ZNF718: variants seen among roughly 807,000 people sequenced by gnomAD.
The protein encoded by ZNF718 is zinc finger protein 718.
In ZNF718, 3 loss-of-function variants were observed where a neutral mutation model predicts 2.6. That is an observed-to-expected ratio of 1.16 (90% CI 0.53 to 3.01). The LOEUF (loss-of-function observed/expected upper bound fraction) is 3.01, where lower values mean the gene tolerates loss of function less well. ZNF718 is among the 30% of genes most tolerant of loss of function. The pLI, the probability that ZNF718 is intolerant of heterozygous loss-of-function variation, is 0.03. For synonymous variants in ZNF718, 135 were observed against 77.9 expected (o/e 1.73, Z -3.86); for missense variants, 468 against 230.0 (o/e 2.03, Z -6.69).
intron 3 of ZNF718, chr4:149,823 A>C (rs1177001344): frequency 2.0e-5 from 3 of 152,078 alleles, no homozygotes; most frequent in East Asian, 3.9e-4. Flanking sequence ...ACACTTTTGC[A>C]ATTTGCAGGT....
chr4:144,388 G>A (rs782597291), intron 3 of ZNF718, among the ~76,000 whole-genome samples: 2 of 152,136 alleles, frequency 1.3e-5, no homozygotes, highest in Non-Finnish European at 2.9e-5. Context: ...TTACTGATCA[G>A]TTTTATGCCA....
At chr4:140,155 C>T (rs1311772059) in intron 3 of ZNF718, among the ~76,000 whole-genome samples, 3 of 152,058 alleles carry the variant, frequency 2.0e-5, no homozygotes, top group Non-Finnish European at 2.9e-5. Context: ...GGCTACGGAA[C>T]AAAAAGGCCC....
At chr4:147,904 T>C (rs1316704158) in intron 3 of ZNF718, among the ~76,000 whole-genome samples, 1 of 152,136 alleles carries the variant, frequency 6.6e-6, no homozygotes, top group African/African-American at 2.4e-5. Context: ...CTGGGGGTGC[T>C]GATACAGTAA....
intron 3 of ZNF718, among the ~76,000 whole-genome samples, chr4:144,607 A>T (rs1303899968): frequency 7.9e-5 from 12 of 152,160 alleles, no homozygotes; most frequent in Non-Finnish European, 1.8e-4. Flanking sequence ...TAGTATGAAA[A>T]TTTTAATAAT....
At chr4:134,203 G>A (rs1715454516) in intron 3 of ZNF718, among the ~76,000 whole-genome samples, 1 of 152,182 alleles carries the variant, frequency 6.6e-6, no homozygotes, top group African/African-American at 2.4e-5. Flanking sequence ...CTGGAGTGCA[G>A]TGGCGCGATA....
At chr4:164,852 CATA>C (rs1232485638), downstream of ZNF718, among the ~76,000 whole-genome samples, 2 of 152,064 alleles carry the variant, frequency 1.3e-5, no homozygotes, top group South Asian at 2.1e-4. Flanking sequence ...AGTGAACAAA[CATA>C]AGAAAGTGAT....
intron 1 of ZNF718, among the ~76,000 whole-genome samples, chr4:126,885 A>G (rs2108777931): frequency 6.7e-6 from 1 of 149,912 alleles, no homozygotes; most frequent in Non-Finnish European, 1.5e-5. Context: ...GGAGTGCAGT[A>G]GTGCGATCTC....
At chr4:138,648 A>C (rs1553809788) in intron 3 of ZNF718, among the ~76,000 whole-genome samples, 2 of 152,060 alleles carry the variant, frequency 1.3e-5, no homozygotes, top group Non-Finnish European at 2.9e-5. Context: ...CATACCTAGC[A>C]ATGGGATTGC....
At chr4:144,090 C>T (rs946552662) in intron 3 of ZNF718, among the ~76,000 whole-genome samples, 8 of 152,264 alleles carry the variant, frequency 5.3e-5, no homozygotes, top group Admixed American at 3.9e-4. Flanking sequence ...TCTCCATTTA[C>T]GTTGGGCATA....
intron 3 of ZNF718, among the ~76,000 whole-genome samples, chr4:198,935 A>G (rs1717844691): frequency 1.3e-5 from 2 of 152,196 alleles, no homozygotes; most frequent in Non-Finnish European, 2.9e-5. Flanking sequence ...TGCTATCTTC[A>G]CTTTACAGAG....
intron 3 of ZNF718, among the ~76,000 whole-genome samples, chr4:194,218 T>C (rs542150313): frequency 6.6e-6 from 1 of 152,322 alleles, no homozygotes; most frequent in East Asian, 1.9e-4. Context: ...GATAAACTTA[T>C]CCTTTAAGAT....
rs980457041 is a variant in ZNF718, at chr4:175,141, C to G, written c.227-25940C>G. ...CAAATTAACCCAGTACCTAAAATCC[C>G]TGACTCAATTTCAAGAGGCCATCCG... On this transcript the variant is annotated intron_variant and NMD_transcript_variant, in intron 3 of 4. Transcript: ENST00000642529. Among the ~76,000 whole-genome samples, 10 of 152,316 alleles carry G rather than the reference C, an allele frequency of 6.6e-5. No individual in the cohort carries two copies. In the East Asian group the frequency reaches 1.7e-3, roughly 26 times the overall value.
At chr4:151,145 C>T (rs1716300328) in intron 3 of ZNF718, among the ~76,000 whole-genome samples, 1 of 152,124 alleles carries the variant, frequency 6.6e-6, no homozygotes, top group Admixed American at 6.5e-5. Context: ...CTCTGTCACC[C>T]AGGCTGGAGT....
intron 3 of ZNF718, among the ~76,000 whole-genome samples, chr4:158,719 T>C (rs1716687179): frequency 6.6e-6 from 1 of 152,012 alleles, no homozygotes; most frequent in African/African-American, 2.4e-5. Flanking sequence ...TTTTTTTGTT[T>C]GCTTTTATCT....
intron 3 of ZNF718, among the ~76,000 whole-genome samples, chr4:134,085 G>A (rs571396580): frequency 2.6e-5 from 4 of 152,242 alleles, no homozygotes; most frequent in South Asian, 4.1e-4. Context: ...CAACATTTCC[G>A]TATTTTCCAC....
At chr4:167,575 A>C (rs1717118758), downstream of ZNF718, among the ~76,000 whole-genome samples, 1 of 152,094 alleles carries the variant, frequency 6.6e-6, no homozygotes, top group South Asian at 2.1e-4. Context: ...CATCCCTTGT[A>C]AGTTTGATTC....
intron 3 of ZNF718, among the ~76,000 whole-genome samples, chr4:180,918 A>G (rs1209518075): frequency 3.3e-5 from 5 of 152,178 alleles, no homozygotes; most frequent in Admixed American, 2.0e-4. Context: ...CTAGACCCAA[A>G]TCAGATTTAA....
chr4:147,387 A>G lies in ZNF718; in HGVS notation c.227-13525A>G, dbSNP rs554341529. ...ACTATAAACTAGTTTGGGGAGGTAA[A>G]TATCTTCTTCTGTTGGATCTCTGGA... On this transcript the variant is annotated intron_variant, in intron 3 of 3. Transcript: ENST00000510175. Among the ~76,000 whole-genome samples the G allele has an allele frequency of 5.3e-5, 8 of 152,198 alleles. No homozygotes were observed. The South Asian group carries it at 1.7e-3, about 32-fold the overall frequency.
At chr4:190,947 G>C (rs1394144150) in intron 3 of ZNF718, among the ~76,000 whole-genome samples, 4 of 151,908 alleles carry the variant, frequency 2.6e-5, no homozygotes, top group African/African-American at 7.2e-5. Context: ...GCTGAGGAAG[G>C]AGAATCACTT....
Sources: gnomAD v4.1 joint callset for allele counts (sites outside exome capture counted in the v4.1 genomes callset) on GRCh38, gnomAD v4.1.1 for gene constraint, MANE v1.5 for transcripts, NCBI Gene and HGNC (gene_info 2026-07-23, HGNC 2026-07-21) for gene names.